The following MAX variants were observed in gnomAD, a reference collection of about 807,000 sequenced individuals.
The protein encoded by MAX is MYC associated transcriptional regulator X.
Under a neutral mutation model 22.3 loss-of-function variants are expected in MAX, and 3 were observed. That is an observed-to-expected ratio of 0.13 (90% CI 0.06 to 0.35). MAX has a LOEUF of 0.35. MAX is among the 10% of genes least tolerant of loss of function. The pLI is 1.00. For synonymous variants in MAX, 72 were observed against 77.7 expected (o/e 0.93, Z 0.39); for missense variants, 119 against 209.4 (o/e 0.57, Z 2.66).
rs553785968 is a variant in MAX, at chr14:65,044,964, T to C, written c.172-38680A>G. Reference sequence around the variant, plus strand: ...TCGCCGTGTCTGACTGGCTGCAGAGTTGTCACTATTAGAAATGTTTTATTT... The same window carrying C: ...TCGCCGTGTCTGACTGGCTGCAGAGCTGTCACTATTAGAAATGTTTTATTT... On this transcript the variant is annotated intron_variant, in intron 3 of 3. Transcript: ENST00000341653. The surrounding 1 kb of genome is among the most constrained non-coding windows in gnomAD (Gnocchi z 5.5). Among the ~76,000 whole-genome samples the C allele has an allele frequency of 1.3e-5, 2 of 152,084 alleles. No individual in the cohort carries two copies. The highest frequency in any genetic ancestry group is 6.5e-5 in the Admixed American group (1 of 15,278).
In MAX at chr14:65,063,640, C is replaced by A. The variant is rs193215587; in HGVS notation, c.171+30068G>T. On this transcript the variant is annotated intron_variant, in intron 3 of 3. Transcript: ENST00000341653. ...AGTGCAGTGGCACAATCATGGCTCACTGCAGCCTCGACCTCCTGGGCTCAG... is the reference window on the plus strand; with the variant it reads ...AGTGCAGTGGCACAATCATGGCTCAATGCAGCCTCGACCTCCTGGGCTCAG... Among the ~76,000 whole-genome samples the A allele has an allele frequency of 1.1e-3, 169 of 152,328 alleles. 2 individuals carry two copies. The highest frequency in any genetic ancestry group is 1.5e-3 in the East Asian group (8 of 5,188).
rs140552023 is a variant in MAX at position 65,010,681 on chromosome 14, A to G, written c.172-4397T>C. ...TTCTTTCCTCATCTCAAAAACCTTC[A>G]GGACTTCCCTTTGCCTAGTAAATTG... On this transcript the variant is annotated intron_variant, in intron 3 of 3. Transcript: ENST00000341653. Among the ~76,000 whole-genome samples the G allele has an allele frequency of 3.5e-3, 531 of 152,272 alleles. 4 individuals carry two copies. The highest frequency in any genetic ancestry group is 0.012 in the African/African-American group (507 of 41,546).
chr14:65,042,708 A>C (rs2062379679), intron 3 of MAX, among the ~76,000 whole-genome samples: 1 of 152,240 alleles, frequency 6.6e-6, no homozygotes, highest in South Asian at 2.1e-4. Flanking sequence ...TAGCCCAAGG[A>C]AACAGAACAA....
Position 65,084,255 on chromosome 14 carries a change from A to G in MAX, c.172-6219T>C, listed in dbSNP as rs766837397. The stretch of plus-strand genomic sequence containing the variant: ...TGTGGCATTTCTGCATCAAACTTTG[A>G]CGATGAAGGACAGGAGTACACAATT... On this transcript the variant is annotated intron_variant, in intron 3 of 4. Coordinates refer to ENST00000358664, the MANE Select transcript of MAX (RefSeq NM_002382.5). The surrounding 1 kb of genome is among the most constrained non-coding windows in gnomAD (Gnocchi z 4.3). The G allele has an allele frequency of 6.2e-7, 1 of 1,613,820 alleles. No homozygotes were observed. Among genetic ancestry groups the G allele is most frequent in the Non-Finnish European group, 8.5e-7 (1 of 1,179,778 alleles).
At chr14:65,090,638 A>G (rs2063476403) in intron 3 of MAX, 1 of 152,050 alleles carries the variant, frequency 6.6e-6, no homozygotes, top group Admixed American at 6.6e-5. Flanking sequence ...CCAAGTAGCC[A>G]GGACTACAGG....
intron 3 of MAX, among the ~76,000 whole-genome samples, chr14:65,050,488 G>A (rs2062582425): frequency 6.6e-6 from 1 of 152,152 alleles, no homozygotes; most frequent in Admixed American, 6.6e-5. Flanking sequence ...GTACTCAGGA[G>A]GCTGAGACAG....
Position 65,078,530 on chromosome 14 carries a change from G to GTT in MAX, c.172-496_172-495dup, listed in dbSNP as rs200897300. ...CCAGCCTGTTGTTGTTGTTGTTGTT[G>GTT]TTGTTTTTTTTTTTTTGGAGACGTA... On this transcript the variant is annotated intron_variant, in intron 3 of 4. Coordinates refer to ENST00000358664, the MANE Select transcript of MAX (RefSeq NM_002382.5). The surrounding 1 kb of genome is among the most constrained non-coding windows in gnomAD (Gnocchi z 6.4). Among the ~76,000 whole-genome samples, 3 of 140,932 alleles carry GTT rather than the reference G, an allele frequency of 2.1e-5. No homozygotes were observed. The highest frequency in any genetic ancestry group is 4.7e-5 in the Non-Finnish European group (3 of 63,948). 92.5% of individuals were successfully genotyped at this position (140,932 alleles called of 152,430 possible).
At chr14:65,017,224 C>T (rs1329722942) in intron 3 of MAX, among the ~76,000 whole-genome samples, 1 of 151,958 alleles carries the variant, frequency 6.6e-6, no homozygotes, top group Admixed American at 6.6e-5. Context: ...CATCCAGCCT[C>T]GTGTGTTTTT....
chr14:65,018,079 C>T (rs2061813777), intron 3 of MAX, among the ~76,000 whole-genome samples: 1 of 152,144 alleles, frequency 6.6e-6, no homozygotes, highest in South Asian at 2.1e-4. Context: ...CGCATGATCA[C>T]ACCTGTAACC....
At position 65,027,571 on chromosome 14, in the gene MAX, A is replaced by C; in HGVS notation, c.172-21287T>G. On this transcript the variant is annotated intron_variant, in intron 3 of 3. Coordinates refer to the MAX transcript ENST00000341653. The surrounding 1 kb of genome is among the most constrained non-coding windows in gnomAD (Gnocchi z 5.7). ...AGTCAATGCATTGTGCATCATTGGC[A>C]CCGAGGAGGCCTATGACATCATTAA... 1 of 1,614,178 alleles carries C rather than the reference A, an allele frequency of 6.2e-7. No individual in the cohort carries two copies. The highest frequency in any genetic ancestry group is 8.5e-7 in the Non-Finnish European group (1 of 1,180,016).
chr14:65,093,938 A>T lies in MAX; in HGVS notation c.64-123T>A. ...GTCCCTGGCGAGTGGACTGGGAAGG[A>T]TTTCTCGAGGTGGGCAGTTAGGAGT... On this transcript the variant is annotated intron_variant, in intron 2 of 4. Coordinates refer to ENST00000358664, the MANE Select transcript of MAX (RefSeq NM_002382.5). The surrounding 1 kb of genome is among the most constrained non-coding windows in gnomAD (Gnocchi z 4.4). The T allele has an allele frequency of 1.4e-6, 1 of 733,152 alleles. No homozygotes were observed. Among genetic ancestry groups the T allele is most frequent in the Admixed American group, 1.9e-5 (1 of 51,400 alleles). The allele number at this position is 733,152 out of a possible 1,614,324, so 45.4% of individuals were successfully genotyped here.
In MAX at chr14:65,075,252, G is replaced by A. The variant is rs1418829441; in HGVS notation, c.*1224C>T. 9.4e-7 allele frequency: 1 copy of A among 1,059,330 alleles called. No homozygotes were observed. Among genetic ancestry groups the A allele is most frequent in the Non-Finnish European group, 1.1e-6 (1 of 875,298 alleles). 65.6% of individuals were successfully genotyped at this position (1,059,330 alleles called of 1,614,324 possible). A position where few individuals can be genotyped will look rare whatever the true frequency, so the allele number is the denominator to read the frequency against. ...CATGGAATGGAATCAAACACGAACT[G>A]AGACTACAGAGTATACACTAGAAAT... On this transcript the variant is annotated 3_prime_UTR_variant, in exon 5 of 5. Coordinates refer to ENST00000358664, the MANE Select transcript of MAX (RefSeq NM_002382.5). This position sits in a 1 kb window ranked among gnomAD's most constrained non-coding sequence, Gnocchi z 4.1.
intron 3 of MAX, among the ~76,000 whole-genome samples, chr14:65,025,243 TC>T (rs2061958519): frequency 6.6e-6 from 1 of 152,064 alleles, no homozygotes; most frequent in South Asian, 2.1e-4. Context: ...GGCTTTAGGG[TC>T]AGTAGTGTTG....
intron 3 of MAX, among the ~76,000 whole-genome samples, chr14:65,040,136 G>A (rs776895974): frequency 3.9e-5 from 6 of 152,140 alleles, no homozygotes; most frequent in Non-Finnish European, 7.3e-5. Context: ...GCTGCAGTGA[G>A]CCATGATCTG....
intron 3 of MAX, among the ~76,000 whole-genome samples, chr14:65,010,576 C>G (rs889516695): frequency 1.3e-5 from 2 of 152,224 alleles, no homozygotes; most frequent in Non-Finnish European, 2.9e-5. Context: ...TCTGTCTGCC[C>G]ACTGCGATAT....
In MAX at chr14:65,030,955, G is replaced by T. The variant is rs189610560; in HGVS notation, c.172-24671C>A. 3.2e-3 allele frequency among the ~76,000 whole-genome samples: 484 copies of T among 152,036 alleles called. 2 individuals carry two copies. Among genetic ancestry groups the T allele is most frequent in the African/African-American group, 0.011 (459 of 41,462 alleles). On this transcript the variant is annotated intron_variant, in intron 3 of 3. Transcript: ENST00000341653. This position sits in a 1 kb window ranked among gnomAD's most constrained non-coding sequence, Gnocchi z 4.5. ...CCCAAGTAGCTGGGATTACAGGCGT[G>T]TGCCACCATGCCCAGCTAATTTTTG...
chr14:65,091,490 T>G (rs931063748), intron 3 of MAX, among the ~76,000 whole-genome samples: 3 of 152,168 alleles, frequency 2.0e-5, no homozygotes, highest in Non-Finnish European at 4.4e-5. Context: ...CACTCCTCTC[T>G]CCTAGTCCTG....
chr14:65,037,395 G>A (rs1162724231), intron 3 of MAX, among the ~76,000 whole-genome samples: 9 of 93,720 alleles, frequency 9.6e-5, no homozygotes, highest in South Asian at 3.8e-4. Flanking sequence ...GAGCCACCAC[G>A]CCGGGCCCTT....
chr14:65,100,342 CG>C (rs1404295319), intron 2 of MAX, among the ~76,000 whole-genome samples: 7 of 152,030 alleles, frequency 4.6e-5, no homozygotes, highest in Admixed American at 4.6e-4. Flanking sequence ...CCCAGCTATT[CG>C]GGAGGCTGAG....
Sources: allele counts gnomAD v4.1 joint callset (sites outside exome capture counted in the v4.1 genomes callset), GRCh38; gene constraint gnomAD v4.1.1; non-coding constraint Gnocchi (gnomAD v3.1); transcripts MANE v1.5; gene names NCBI Gene and HGNC (gene_info 2026-07-23, HGNC 2026-07-21).